CSGALNACT1: variants seen among roughly 807,000 people sequenced by gnomAD.
CSGALNACT1 encodes beta4GalNAcT-1.
A neutral mutation model predicts 51.0 loss-of-function variants in CSGALNACT1; 52 were observed. The observed-to-expected ratio is 1.02, with a 90% confidence interval of 0.82 to 1.29. The LOEUF (loss-of-function observed/expected upper bound fraction) is 1.29, where lower values mean the gene tolerates loss of function less well. Ranked by LOEUF, CSGALNACT1 falls within the 50% of genes most tolerant of loss-of-function variation. CSGALNACT1 has a pLI of 0.00. For synonymous variants in CSGALNACT1, 341 were observed against 254.4 expected (o/e 1.34, Z -3.24); for missense variants, 935 against 679.2 (o/e 1.38, Z -4.19).
intron 1 of CSGALNACT1, among the ~76,000 whole-genome samples, chr8:19,638,100 A>T (rs937639464): frequency 6.8e-6 from 1 of 147,738 alleles, no homozygotes; most frequent in Non-Finnish European, 1.5e-5. Flanking sequence ...GTCTCTTGAA[A>T]CCAACGACTG....
intron 1 of CSGALNACT1, among the ~76,000 whole-genome samples, chr8:19,681,443 G>A (rs766525439): frequency 1.3e-5 from 2 of 152,128 alleles, no homozygotes; most frequent in Non-Finnish European, 2.9e-5. Context: ...GCAGACTTCT[G>A]TCGCCACCAG....
At chr8:19,648,530 C>T (rs1029239408) in intron 1 of CSGALNACT1, among the ~76,000 whole-genome samples, 15 of 152,150 alleles carry the variant, frequency 9.9e-5, no homozygotes, top group African/African-American at 3.1e-4. Flanking sequence ...CAACCTGGCT[C>T]GACACTGTGG....
intron 4 of CSGALNACT1, among the ~76,000 whole-genome samples, chr8:19,490,945 A>C (rs2153961578): frequency 6.6e-6 from 1 of 152,322 alleles, no homozygotes; most frequent in Non-Finnish European, 1.5e-5. Flanking sequence ...TGTCACGTTT[A>C]GAATCAAATG....
chr8:19,663,646 A>G (rs1009260144), intron 1 of CSGALNACT1, among the ~76,000 whole-genome samples: 2 of 152,210 alleles, frequency 1.3e-5, no homozygotes, highest in Non-Finnish European at 2.9e-5. Flanking sequence ...ATGATTACCA[A>G]TTGGGGAGGA....
intron 3 of CSGALNACT1, among the ~76,000 whole-genome samples, chr8:19,526,353 G>C (rs948521694): frequency 6.6e-6 from 1 of 152,230 alleles, no homozygotes; most frequent in Non-Finnish European, 1.5e-5. Context: ...GGGAAGCTGA[G>C]GCAGGCAGAT....
At chr8:19,425,408 C>G (rs2058621711) in intron 6 of CSGALNACT1, among the ~76,000 whole-genome samples, 1 of 152,168 alleles carries the variant, frequency 6.6e-6, no homozygotes, top group African/African-American at 2.4e-5. Context: ...CTTCACAACC[C>G]CGTGTCACAG....
At chr8:19,418,749 C>A in exon 8 of CSGALNACT1, 1 of 1,599,434 alleles carries the variant, frequency 6.3e-7, no homozygotes, top group Non-Finnish European at 8.6e-7. Context: ...ATACCTTCTT[C>A]CCTACAAACC....
At chr8:19,509,834 C>A (rs1434041926) in intron 3 of CSGALNACT1, among the ~76,000 whole-genome samples, 1 of 152,034 alleles carries the variant, frequency 6.6e-6, no homozygotes, top group Non-Finnish European at 1.5e-5. Context: ...AATTACCAAG[C>A]ACTACTAGAA....
chr8:19,646,907 G>A (rs1195798698), intron 1 of CSGALNACT1, among the ~76,000 whole-genome samples: 1 of 152,076 alleles, frequency 6.6e-6, no homozygotes, highest in Non-Finnish European at 1.5e-5. Context: ...TTGCTAAGGA[G>A]AAATAACAAC....
intron 1 of CSGALNACT1, among the ~76,000 whole-genome samples, chr8:19,699,346 A>G (rs2061740596): frequency 6.6e-6 from 1 of 152,246 alleles, no homozygotes; most frequent in Non-Finnish European, 1.5e-5. Context: ...ACCCATGTTC[A>G]TAGTAGCATT....
intron 2 of CSGALNACT1, among the ~76,000 whole-genome samples, chr8:19,599,577 G>C (rs2049950825): frequency 6.6e-6 from 1 of 150,918 alleles, no homozygotes; most frequent in Non-Finnish European, 1.5e-5. Flanking sequence ...AAGAAAGAGA[G>C]AGAAAGGAAA....
chr8:19,440,370 T>A (rs948233344), intron 5 of CSGALNACT1, among the ~76,000 whole-genome samples: 3 of 152,026 alleles, frequency 2.0e-5, no homozygotes, highest in Non-Finnish European at 4.4e-5. Context: ...TTATCCACCA[T>A]GATCAAGTGG....
chr8:19,712,688 C>T (rs1268555824), intron 1 of CSGALNACT1, among the ~76,000 whole-genome samples: 3 of 152,200 alleles, frequency 2.0e-5, no homozygotes, highest in Non-Finnish European at 4.4e-5. Context: ...AAATGCAGTG[C>T]CTTCCTGGCC....
intron 9 of CSGALNACT1, among the ~76,000 whole-genome samples, chr8:19,407,044 T>C (rs571424681): frequency 6.6e-6 from 1 of 152,132 alleles, no homozygotes; most frequent in Admixed American, 6.5e-5. Context: ...GGGAAGCTGA[T>C]TTGCACATAA....
At chr8:19,527,313 A>C (rs1057188594) in intron 3 of CSGALNACT1, among the ~76,000 whole-genome samples, 1 of 152,164 alleles carries the variant, frequency 6.6e-6, no homozygotes, top group South Asian at 2.1e-4. Context: ...AGAGAGGATA[A>C]AAGAGGGCCA....
intron 3 of CSGALNACT1, among the ~76,000 whole-genome samples, chr8:19,590,640 CTTTTTT>C (rs34859554): frequency 4.3e-5 from 3 of 68,980 alleles, no homozygotes; most frequent in South Asian, 7.3e-4. Context: ...GACCTAACTA[CTTTTTT>C]TTTTTTTTTT....
intron 3 of CSGALNACT1, among the ~76,000 whole-genome samples, chr8:19,580,200 T>C (rs936353390): frequency 1.3e-5 from 2 of 152,200 alleles, no homozygotes; most frequent in South Asian, 2.1e-4. Flanking sequence ...GCAGCCAGAA[T>C]GTGAGGCACA....
chr8:19,504,314 G>A (rs1267475907), intron 4 of CSGALNACT1, among the ~76,000 whole-genome samples: 3 of 152,168 alleles, frequency 2.0e-5, no homozygotes, highest in Non-Finnish European at 4.4e-5. Context: ...CCGACCTCAT[G>A]ATCCGCCTGC....
At chr8:19,531,153 A>T (rs2082695337) in intron 3 of CSGALNACT1, among the ~76,000 whole-genome samples, 1 of 152,222 alleles carries the variant, frequency 6.6e-6, no homozygotes, top group African/African-American at 2.4e-5. Context: ...CTTCAGAGAT[A>T]GAGCTATTTT....
Sources: gnomAD v4.1 joint callset for allele counts (sites outside exome capture counted in the v4.1 genomes callset) on GRCh38, gnomAD v4.1.1 for gene constraint, MANE v1.5 for transcripts, NCBI Gene and HGNC (gene_info 2026-07-23, HGNC 2026-07-21) for gene names.